The following LOC128125822 variants were observed in gnomAD, a reference collection of about 807,000 sequenced individuals.
the LOC128125822 span, among the ~76,000 whole-genome samples, chr6:63,575,912 G>A: frequency 2.6e-5 from 4 of 151,940 alleles, no homozygotes; most frequent in South Asian, 2.1e-4. Flanking sequence ...GAACTTAGAT[G>A]TTTCAGTTTA....
At chr6:63,574,406 A>G in the LOC128125822 span, among the ~76,000 whole-genome samples, 1 of 152,308 alleles carries the variant, frequency 6.6e-6, no homozygotes, top group Non-Finnish European at 1.5e-5. Context: ...TCCTGTGGGT[A>G]GGAGATTGGG....
chr6:63,582,731 A>G, the LOC128125822 span: 1 of 152,174 alleles, frequency 6.6e-6, no homozygotes, highest in African/African-American at 2.4e-5. Flanking sequence ...AGAAAATGCC[A>G]TCTCTTTTTA....
At chr6:63,583,568 T>G in the LOC128125822 span, 1 of 152,228 alleles carries the variant, frequency 6.6e-6, no homozygotes, top group African/African-American at 2.4e-5. Context: ...AACCAGTTAA[T>G]AAATTGATAG....
At chr6:63,576,812 G>C in the LOC128125822 span, 1 of 1,266,606 alleles carries the variant, frequency 7.9e-7, no homozygotes, top group South Asian at 1.3e-5. Context: ...CAGTTTCTTT[G>C]CATCATTTCT....
At chr6:63,579,687 A>G in the LOC128125822 span, among the ~76,000 whole-genome samples, 1 of 152,202 alleles carries the variant, frequency 6.6e-6, no homozygotes, top group East Asian at 1.9e-4. Flanking sequence ...ACCATCCAAT[A>G]CAACACATAG....
At chr6:63,578,559 T>C in the LOC128125822 span, 1 of 1,599,960 alleles carries the variant, frequency 6.3e-7, no homozygotes, top group Admixed American at 1.8e-5. Flanking sequence ...TATGGGTTTA[T>C]GGTGCTGTGC....
chr6:63,580,712 G>A, the LOC128125822 span: 1 of 151,212 alleles, frequency 6.6e-6, no homozygotes, highest in Non-Finnish European at 1.5e-5. Context: ...TATACGTCAG[G>A]TTTGCTTAAC....
the LOC128125822 span, chr6:63,579,420 CATT>C: frequency 7.8e-6 from 7 of 901,794 alleles, no homozygotes; most frequent in Non-Finnish European, 9.6e-6. Context: ...CCCATTTAAT[CATT>C]ATGATTATTT....
the LOC128125822 span, chr6:63,576,907 T>C: frequency 6.2e-7 from 1 of 1,613,764 alleles, no homozygotes; most frequent in Non-Finnish European, 8.5e-7. Flanking sequence ...GCCCAGCTCC[T>C]GTGGAAGTCA....
At chr6:63,579,046 T>C in the LOC128125822 span, 8 of 1,556,624 alleles carry the variant, frequency 5.1e-6, no homozygotes, top group Non-Finnish European at 6.9e-6. Flanking sequence ...AATTTATCAA[T>C]TTGATTCTAG....
chr6:63,577,550 G>A, the LOC128125822 span, among the ~76,000 whole-genome samples: 1 of 151,922 alleles, frequency 6.6e-6, no homozygotes, highest in African/African-American at 2.4e-5. Flanking sequence ...AGAACATAAT[G>A]GAAATACTTT....
the LOC128125822 span, among the ~76,000 whole-genome samples, chr6:63,574,197 A>G: frequency 1.3e-5 from 2 of 152,220 alleles, no homozygotes; most frequent in African/African-American, 4.8e-5. Flanking sequence ...TAAGACCTAA[A>G]TAGATGTGGA....
chr6:63,576,955 A>C, the LOC128125822 span: 4 of 1,614,000 alleles, frequency 2.5e-6, no homozygotes, highest in South Asian at 1.1e-5. Flanking sequence ...CACACAATCC[A>C]ACCAATGCGA....
the LOC128125822 span, chr6:63,580,063 G>C: frequency 6.2e-7 from 1 of 1,608,732 alleles, no homozygotes; most frequent in East Asian, 2.2e-5. Context: ...CCAGAAAGCG[G>C]CGTGGAGCTT....
chr6:63,574,817 G>A, the LOC128125822 span, among the ~76,000 whole-genome samples: 1 of 152,158 alleles, frequency 6.6e-6, no homozygotes, highest in Non-Finnish European at 1.5e-5. Flanking sequence ...AGAATTTGGG[G>A]TGAAAGTATA....
the LOC128125822 span, chr6:63,572,613 A>G: frequency 2.1e-5 from 9 of 419,748 alleles, no homozygotes; most frequent in South Asian, 1.1e-4. Context: ...CTCCGCCACG[A>G]CCACCGCCGC....
the LOC128125822 span, among the ~76,000 whole-genome samples, chr6:63,576,088 T>C: frequency 6.7e-6 from 1 of 149,888 alleles, no homozygotes; most frequent in Non-Finnish European, 1.5e-5. Flanking sequence ...CATATAATTA[T>C]ATATTATATA....
chr6:63,581,935 G>T, the LOC128125822 span: 1 of 152,102 alleles, frequency 6.6e-6, no homozygotes, highest in Non-Finnish European at 1.5e-5. Flanking sequence ...AAATCTAGAT[G>T]TCTTTGTCTA....
the LOC128125822 span, chr6:63,583,455 G>C: frequency 3.9e-5 from 6 of 152,098 alleles, no homozygotes; most frequent in Admixed American, 6.6e-5. Context: ...GGAAAGTAAG[G>C]GAAAAACTTG....
Sources: allele counts gnomAD v4.1 joint callset (sites outside exome capture counted in the v4.1 genomes callset), GRCh38; gene constraint gnomAD v4.1.1; transcripts MANE v1.5.